ACOXL: variants seen among roughly 807,000 people sequenced by gnomAD.
ACOXL encodes acyl-coenzyme A oxidase-like protein.
Under a neutral mutation model 71.9 loss-of-function variants are expected in ACOXL, and 70 were observed. That is an observed-to-expected ratio of 0.97 (90% CI 0.80 to 1.19). The LOEUF is 1.19. Ranked by LOEUF, ACOXL falls within the 50% of genes most tolerant of loss-of-function variation. The pLI, the probability that ACOXL is intolerant of heterozygous loss-of-function variation, is 0.00. For missense variants in ACOXL, 703 were observed against 736.3 expected (o/e 0.95, Z 0.52); for synonymous variants, 253 against 281.6 (o/e 0.90, Z 1.02).
At chr2:111,033,213 A>G (rs1558892572) in intron 15 of ACOXL, among the ~76,000 whole-genome samples, 1 of 152,198 alleles carries the variant, frequency 6.6e-6, no homozygotes, top group African/African-American at 2.4e-5. Flanking sequence ...GACCAGGAGC[A>G]TCAGGGACTA....
intron 10 of ACOXL, among the ~76,000 whole-genome samples, chr2:110,862,411 C>T (rs957934968): frequency 1.3e-5 from 2 of 152,102 alleles, no homozygotes; most frequent in Non-Finnish European, 2.9e-5. Context: ...GCAGGAGGAT[C>T]GCTTAAAGAC....
At chr2:111,058,009 A>G (rs1466471455) in intron 16 of ACOXL, among the ~76,000 whole-genome samples, 1 of 152,160 alleles carries the variant, frequency 6.6e-6, no homozygotes, top group African/African-American at 2.4e-5. Flanking sequence ...TTCTTGAATG[A>G]TCTGTTCTCC....
intron 1 of ACOXL, among the ~76,000 whole-genome samples, chr2:110,767,198 C>T (rs1354788792): frequency 6.6e-6 from 1 of 152,142 alleles, no homozygotes; most frequent in Non-Finnish European, 1.5e-5. Context: ...CTGTGCGTTG[C>T]ATGGAAACAT....
chr2:110,772,225 C>A (rs1032001734), intron 2 of ACOXL, among the ~76,000 whole-genome samples: 2 of 152,176 alleles, frequency 1.3e-5, no homozygotes, highest in African/African-American at 4.8e-5. Context: ...AGGTGCTCTG[C>A]TTCCTGAGCC....
chr2:110,815,903 T>C (rs1252094868), intron 9 of ACOXL, among the ~76,000 whole-genome samples: 1 of 152,236 alleles, frequency 6.6e-6, no homozygotes, highest in Non-Finnish European at 1.5e-5. Flanking sequence ...GGACAGAACC[T>C]GTGTCTTCTT....
At chr2:110,879,196 A>G (rs1010467190) in intron 10 of ACOXL, among the ~76,000 whole-genome samples, 4 of 152,244 alleles carry the variant, frequency 2.6e-5, no homozygotes, top group Non-Finnish European at 4.4e-5. Context: ...CAGAAGCCCA[A>G]TCAAATCCAA....
intron 16 of ACOXL, among the ~76,000 whole-genome samples, chr2:111,054,314 C>A (rs888461113): frequency 1.5e-4 from 23 of 152,220 alleles, no homozygotes; most frequent in African/African-American, 5.5e-4. Flanking sequence ...ACCATGCTCC[C>A]TCTTGTTCTA....
intron 10 of ACOXL, chr2:110,886,992 T>G (rs1167403782): frequency 2.9e-6 from 3 of 1,028,098 alleles, no homozygotes; most frequent in East Asian, 5.3e-5. Context: ...CTGAGAATGT[T>G]GTGTGGCAAG....
chr2:110,782,262 CCATT>C (rs1488796939), intron 2 of ACOXL, among the ~76,000 whole-genome samples: 1 of 151,920 alleles, frequency 6.6e-6, no homozygotes, highest in African/African-American at 2.4e-5. Context: ...TCATCGTAGC[CCATT>C]CAGTTAGTGC....
rs949431658 is a variant in ACOXL at position 110,773,014 on chromosome 2, A to G, written c.75+4550A>G. 4.6e-5 allele frequency among the ~76,000 whole-genome samples: 7 copies of G among 152,326 alleles called. No homozygotes were observed. In the South Asian group the frequency reaches 1.0e-3, roughly 23 times the overall value. On this transcript the variant is annotated intron_variant, in intron 2 of 17. Coordinates refer to ENST00000439055, the MANE Select transcript of ACOXL (RefSeq NM_001142807.4). The stretch of plus-strand genomic sequence containing the variant: ...TGCAATATGGTAAATTGACAGCTGT[A>G]GCCTGGACAAACAAAACCTCTTTGG...
chr2:111,054,434 A>T (rs1294428560), intron 16 of ACOXL, among the ~76,000 whole-genome samples: 1 of 152,178 alleles, frequency 6.6e-6, no homozygotes, highest in African/African-American at 2.4e-5. Flanking sequence ...CCAGTGGGAC[A>T]TGCAGGGGCC....
intron 16 of ACOXL, among the ~76,000 whole-genome samples, chr2:111,056,703 G>T (rs1407964156): frequency 2.0e-5 from 3 of 148,814 alleles, no homozygotes; most frequent in African/African-American, 7.5e-5. Context: ...CAGGAGAATC[G>T]CTTTAACCCA....
chr2:110,832,410 C>T (rs904150846), intron 9 of ACOXL, among the ~76,000 whole-genome samples: 13 of 151,960 alleles, frequency 8.6e-5, no homozygotes, highest in East Asian at 3.9e-4. Context: ...CGGTGGCGGG[C>T]GCCTGTAGTC....
chr2:110,971,884 A>C (rs76152237), intron 12 of ACOXL, among the ~76,000 whole-genome samples: 1 of 152,186 alleles, frequency 6.6e-6, no homozygotes, highest in South Asian at 2.1e-4. Flanking sequence ...TTGTGATCCA[A>C]GTGAGGTTTT....
chr2:110,963,794 G>T (rs748430085), intron 12 of ACOXL: 16 of 1,562,942 alleles, frequency 1.0e-5, no homozygotes, highest in African/African-American at 1.4e-5. Context: ...TTATCTGATT[G>T]CCTTCTTTAA....
intron 15 of ACOXL, among the ~76,000 whole-genome samples, chr2:111,042,918 G>A (rs909480209): frequency 5.9e-5 from 9 of 152,210 alleles, no homozygotes; most frequent in Non-Finnish European, 1.2e-4. Flanking sequence ...TCGTGGCAGT[G>A]GGGGTCGAAA....
intron 9 of ACOXL, among the ~76,000 whole-genome samples, chr2:110,816,409 G>A (rs1687923837): frequency 1.3e-5 from 2 of 152,148 alleles, no homozygotes; most frequent in African/African-American, 4.8e-5. Flanking sequence ...TATTGGCCCT[G>A]GAATCATGAA....
intron 10 of ACOXL, among the ~76,000 whole-genome samples, chr2:110,898,843 A>G (rs1479736231): frequency 6.6e-6 from 1 of 152,214 alleles, no homozygotes; most frequent in African/African-American, 2.4e-5. Flanking sequence ...GAAAACCCCA[A>G]GATATCTACA....
At chr2:111,009,605 C>G (rs953153758) in intron 14 of ACOXL, among the ~76,000 whole-genome samples, 3 of 152,004 alleles carry the variant, frequency 2.0e-5, no homozygotes, top group Non-Finnish European at 4.4e-5. Flanking sequence ...AAGAAAGAAG[C>G]CGCAGAGAGG....
Sources: allele counts gnomAD v4.1 joint callset (sites outside exome capture counted in the v4.1 genomes callset), GRCh38; gene constraint gnomAD v4.1.1; transcripts MANE v1.5; gene names NCBI Gene and HGNC (gene_info 2026-07-23, HGNC 2026-07-21).